Variants in CCND3 observed in about 807,000 individuals in gnomAD.
CCND3 encodes the protein G1/S-specific cyclin-D3.
A neutral mutation model predicts 28.7 loss-of-function variants in CCND3; 9 were observed. The observed-to-expected ratio is 0.31, with a 90% confidence interval of 0.19 to 0.55. CCND3 has a LOEUF of 0.55. CCND3 is among the 20% of genes least tolerant of loss of function. The probability of loss-of-function intolerance (pLI) is 0.93; values close to 1 mark genes in which losing one functional copy is unlikely to be tolerated. For missense variants in CCND3, 315 were observed against 385.8 expected, an observed-to-expected ratio of 0.82 and a Z score of 1.54; for synonymous variants, 164 against 163.9, an observed-to-expected ratio of 1.00 and a Z score of 0.00.
At chr6:42,045,096 G>A (rs1405165596) in intron 1 of CCND3, among the ~76,000 whole-genome samples, 1 of 151,594 alleles carries the variant, frequency 6.6e-6, no homozygotes, top group East Asian at 1.9e-4. Flanking sequence ...GAGCCACTGT[G>A]CCCAGTGGCT....
chr6:41,966,504 T>C (rs1431527082), intron 1 of CCND3, among the ~76,000 whole-genome samples: 1 of 152,164 alleles, frequency 6.6e-6, no homozygotes, highest in Non-Finnish European at 1.5e-5. Context: ...GTTCTATATG[T>C]TTATCTCCAG....
intron 1 of CCND3, among the ~76,000 whole-genome samples, chr6:42,003,192 T>C (rs1582151359): frequency 1.6e-5 from 2 of 126,296 alleles, no homozygotes. Flanking sequence ...ATATTCAAAA[T>C]TGATAAACCA....
intron 1 of CCND3, among the ~76,000 whole-genome samples, chr6:42,032,325 G>A (rs948220686): frequency 1.3e-5 from 2 of 152,134 alleles, no homozygotes; most frequent in African/African-American, 2.4e-5. Flanking sequence ...GGCCTGAAGC[G>A]ATTATCCTGC....
At chr6:41,956,389 G>C (rs1374554074) in intron 1 of CCND3, among the ~76,000 whole-genome samples, 2 of 152,218 alleles carry the variant, frequency 1.3e-5, no homozygotes, top group Non-Finnish European at 2.9e-5. Context: ...TTTAGAAAGG[G>C]CTGGGAAAGA....
intron 1 of CCND3, among the ~76,000 whole-genome samples, chr6:42,014,280 T>C (rs1763428361): frequency 6.6e-6 from 1 of 150,884 alleles, no homozygotes; most frequent in South Asian, 2.1e-4. Context: ...GGCAGGAGAA[T>C]GGCGTGAACC....
At chr6:41,959,381 A>G (rs370728523) in intron 1 of CCND3, among the ~76,000 whole-genome samples, 1 of 152,078 alleles carries the variant, frequency 6.6e-6, no homozygotes, top group East Asian at 1.9e-4. Flanking sequence ...CATAATGGCC[A>G]AAAATGGAAA....
chr6:42,040,528 A>C (rs1764339829), intron 1 of CCND3, among the ~76,000 whole-genome samples: 1 of 152,054 alleles, frequency 6.6e-6, no homozygotes, highest in Non-Finnish European at 1.5e-5. Flanking sequence ...CTAGATACTT[A>C]ACCTCTGTGC....
intron 1 of CCND3, among the ~76,000 whole-genome samples, chr6:41,961,707 T>C (rs1761721254): frequency 6.6e-6 from 1 of 152,108 alleles, no homozygotes; most frequent in Non-Finnish European, 1.5e-5. Context: ...CTCTATTCCT[T>C]CAGCCTCAGC....
chr6:42,035,981 A>G (rs974197145), intron 1 of CCND3, among the ~76,000 whole-genome samples: 1 of 150,638 alleles, frequency 6.6e-6, no homozygotes, highest in East Asian at 2.0e-4. Context: ...CGGCCTAAAA[A>G]TTATTATTAT....
At chr6:42,036,965 C>T (rs1764237706) in intron 1 of CCND3, among the ~76,000 whole-genome samples, 1 of 151,758 alleles carries the variant, frequency 6.6e-6, no homozygotes, top group African/African-American at 2.4e-5. Flanking sequence ...TTGAGACAGA[C>T]TCTTGCTCTG....
intron 1 of CCND3, among the ~76,000 whole-genome samples, chr6:41,979,054 C>T (rs13219754): frequency 0.12 from 17,644 of 150,732 alleles, 1,064 homozygotes; most frequent in Non-Finnish European, 0.13. Context: ...GCCTGTAATC[C>T]GAGCTACTTG....
intron 1 of CCND3, among the ~76,000 whole-genome samples, chr6:42,042,819 C>T (rs1279755315): frequency 5.9e-5 from 9 of 152,164 alleles, no homozygotes; most frequent in Admixed American, 5.2e-4. Flanking sequence ...ATTATTAATT[C>T]TCACCATTAC....
chr6:41,990,660 A>ATTTTTTTTTTTTTTTTTTTTTTTT lies in CCND3; in HGVS notation c.-45-50099_-45-50076dup, dbSNP rs67939325. Among the ~76,000 whole-genome samples, 2 of 121,276 alleles carry ATTTTTTTTTTTTTTTTTTTTTTTT rather than the reference A, an allele frequency of 1.6e-5. 1 individual carries two copies. 79.6% of individuals were successfully genotyped at this position (121,276 alleles called of 152,430 possible). On this transcript the variant is annotated intron_variant, in intron 1 of 4. Transcript: ENST00000372988. ...TAGTCCATGAATCTATAACCAACTG[A>ATTTTTTTTTTTTTTTTTTTTTTTT]TTTTTTTTTTTTTTTTTTTTTTTTT... is the stretch of plus-strand genomic sequence containing the variant.
Position 41,936,308 on chromosome 6 carries a change from C to G in CCND3, c.712-201G>C. 1 of 667,928 alleles carries G rather than the reference C, an allele frequency of 1.5e-6. No homozygotes were observed. Among genetic ancestry groups the G allele is most frequent in the Admixed American group, 3.0e-5 (1 of 33,666 alleles). 41.4% of individuals were successfully genotyped at this position (667,928 alleles called of 1,614,324 possible). A position where few individuals can be genotyped will look rare whatever the true frequency, so the allele number is the denominator to read the frequency against. On this transcript the variant is annotated intron_variant, in intron 4 of 4. Transcript: ENST00000372991. This position sits in a 1 kb window ranked among gnomAD's most constrained non-coding sequence, Gnocchi z 4.4. Reference sequence around the variant, plus strand: ...TGTGAGAGCAGCCCTGCATCTGACACCAAACCCCCCACCCCCACTCCAGCA... The same window carrying G: ...TGTGAGAGCAGCCCTGCATCTGACAGCAAACCCCCCACCCCCACTCCAGCA...
chr6:42,035,803 A>G (rs1340208864), intron 1 of CCND3, among the ~76,000 whole-genome samples: 1 of 148,430 alleles, frequency 6.7e-6, no homozygotes, highest in Non-Finnish European at 1.5e-5. Context: ...TCAGCCTCCC[A>G]AGTAGCTGGG....
At chr6:41,954,338 G>T (rs1052000070) in intron 1 of CCND3, among the ~76,000 whole-genome samples, 1 of 144,102 alleles carries the variant, frequency 6.9e-6, no homozygotes, top group East Asian at 2.0e-4. Context: ...GAATCACGAG[G>T]TCAGGAGTTC....
chr6:42,000,723 A>G (rs1053401505), intron 1 of CCND3, among the ~76,000 whole-genome samples: 1 of 150,110 alleles, frequency 6.7e-6, no homozygotes, highest in African/African-American at 2.4e-5. Context: ...ATGTGCCACC[A>G]TGCCCAGCTA....
intron 1 of CCND3, among the ~76,000 whole-genome samples, chr6:42,023,802 G>C (rs1009702100): frequency 6.6e-6 from 1 of 152,032 alleles, no homozygotes; most frequent in Non-Finnish European, 1.5e-5. Flanking sequence ...CATCTTAACT[G>C]TACAATGGGG....
chr6:42,002,769 G>A (rs1466194742), intron 1 of CCND3, among the ~76,000 whole-genome samples: 2 of 151,150 alleles, frequency 1.3e-5, no homozygotes, highest in East Asian at 3.9e-4. Context: ...CAGGACAATG[G>A]CGTGAACCCG....
Sources: allele counts gnomAD v4.1 joint callset (sites outside exome capture counted in the v4.1 genomes callset), GRCh38; gene constraint gnomAD v4.1.1; non-coding constraint Gnocchi (gnomAD v3.1); transcripts MANE v1.5; gene names NCBI Gene and HGNC (gene_info 2026-07-23, HGNC 2026-07-21).